Variants in AGL observed in about 807,000 individuals in gnomAD.
AGL encodes amylo-alpha-1,6-glucosidase and 4-alpha-glucanotransferase, also known as glycogen debranching enzyme.
A neutral mutation model predicts 199.3 loss-of-function variants in AGL; 128 were observed. That is an observed-to-expected ratio of 0.64 (90% CI 0.56 to 0.74). The LOEUF (loss-of-function observed/expected upper bound fraction) is 0.74, where lower values mean the gene tolerates loss of function less well. Among genes scored for constraint, AGL ranks in the 30% least tolerant of loss-of-function variants. The probability of loss-of-function intolerance (pLI) is 0.00; values close to 1 mark genes in which losing one functional copy is unlikely to be tolerated. For synonymous variants in AGL, 584 were observed against 594.7 expected (o/e 0.98, Z 0.26); for missense variants, 1,809 against 1,820.8 (o/e 0.99, Z 0.12).
chr1:99,910,287 A>G (rs1464587229), intron 27 of AGL, among the ~76,000 whole-genome samples: 2 of 152,144 alleles, frequency 1.3e-5, no homozygotes, highest in East Asian at 1.9e-4. Context: ...CTCTATGTCC[A>G]TGTACATACA....
At chr1:99,852,558 T>TTTTTTAA in intron 2 of AGL, 1 of 603,432 alleles carries the variant, frequency 1.7e-6, no homozygotes, top group Admixed American at 3.0e-5. Context: ...TTTTTTTTTG[T>TTTTTTAA]AGAAACTGGG....
intron 17 of AGL, 37 bp downstream of exon 17, chr1:99,881,728 ATAT>A (rs1356946993): frequency 9.4e-6 from 14 of 1,490,046 alleles, no homozygotes; most frequent in African/African-American, 1.4e-5. Context: ...TATTTGTATT[ATAT>A]TATTATATTA....
intron 3 of AGL, among the ~76,000 whole-genome samples, chr1:99,862,043 TTTGTGTA>T (rs1046466757): frequency 3.9e-5 from 6 of 152,236 alleles, no homozygotes; most frequent in Admixed American, 6.5e-5. Context: ...TCTTGGATAT[TTTGTGTA>T]TTATACATGT....
rs755639355 is a variant in AGL at position 99,876,618 on chromosome 1, C to T, written c.1423+21C>T. ...ACCGGGTATGTAATTTTTAACTTCT[C>T]TGTGGATGGGGAAAGAATAGTTCAT... On this transcript the variant is annotated intron_variant, in intron 11 of 33. Coordinates refer to ENST00000361915, the MANE Select transcript of AGL (RefSeq NM_000642.3). 25 of 1,613,288 alleles carry T rather than the reference C, an allele frequency of 1.5e-5. No individual in the cohort carries two copies. The African/African-American group carries it at 3.1e-4, about 20-fold the overall frequency.
At chr1:99,886,292 A>G (rs1000606247) in intron 20 of AGL, among the ~76,000 whole-genome samples, 1 of 152,154 alleles carries the variant, frequency 6.6e-6, no homozygotes, top group Admixed American at 6.5e-5. Context: ...CCTGGGCAAC[A>G]TAGTGAGACC....
At chr1:99,855,196 G>A (rs974714082) in intron 2 of AGL, among the ~76,000 whole-genome samples, 2 of 151,190 alleles carry the variant, frequency 1.3e-5, no homozygotes, top group African/African-American at 4.9e-5. Flanking sequence ...GCGAGACTCC[G>A]ACTCAAAAAA....
At chr1:99,871,418 C>A (rs1007071396) in intron 7 of AGL, among the ~76,000 whole-genome samples, 1 of 150,632 alleles carries the variant, frequency 6.6e-6, no homozygotes, top group Admixed American at 6.6e-5. Context: ...GTGCCCCCCC[C>A]CCCCCAACAA....
intron 29 of AGL, among the ~76,000 whole-genome samples, chr1:99,913,126 G>A (rs898722682): frequency 1.3e-5 from 2 of 151,986 alleles, no homozygotes; most frequent in African/African-American, 2.4e-5. Context: ...AGGCTGAGGT[G>A]GGAGGATGGC....
chr1:99,852,558 T>TTTTG, intron 2 of AGL: 7 of 603,430 alleles, frequency 1.2e-5, no homozygotes, highest in South Asian at 3.9e-5. Context: ...TTTTTTTTTG[T>TTTTG]AGAAACTGGG....
At chr1:99,921,485 T>G (rs1655505405) in intron 33 of AGL, 49 bp from the exon 34 acceptor site, 1 of 1,344,612 alleles carries the variant, frequency 7.4e-7, no homozygotes, top group Non-Finnish European at 1.1e-6. Flanking sequence ...CCTATTTTGT[T>G]AATATGAATT....
intron 27 of AGL, among the ~76,000 whole-genome samples, chr1:99,908,403 T>G (rs1654486391): frequency 6.6e-6 from 1 of 152,198 alleles, no homozygotes; most frequent in South Asian, 2.1e-4. Flanking sequence ...CACACTGTTT[T>G]GGTTAGTGTA....
At chr1:99,912,353 A>T in intron 28 of AGL, 52 bp from the exon 29 acceptor site, 1 of 1,359,836 alleles carries the variant, frequency 7.4e-7, no homozygotes, top group Non-Finnish European at 1.1e-6. Context: ...CCCTTTAAAT[A>T]GTACTTAAAG....
Position 99,891,700 on chromosome 1 carries a change from A to G in AGL, c.3044A>G (p.Tyr1015Cys), listed in dbSNP as rs750686172. The G allele has an allele frequency of 6.2e-7, 1 of 1,613,626 alleles. No individual in the cohort carries two copies. The highest frequency in any genetic ancestry group is 8.5e-7 in the Non-Finnish European group (1 of 1,179,634). The change falls in exon 23 of 34, where the codon TAT becomes TGT. Residue 1015 changes from tyrosine to cysteine, a missense_variant. Tyr to Cys is a radical substitution (Grantham distance 194). Coordinates refer to ENST00000361915, the MANE Select transcript of AGL (RefSeq NM_000642.3). ...TTTGATGCTATATTAATTGGTGCAT[A>G]TACCACTCTTCTGGATACAGCATGG... ...CYFDAILIGA[Y>C]TTLLDTAWKQ... is the part of the protein sequence containing the mutation.
Position 99,891,614 on chromosome 1 carries a change from A to G in AGL, c.2958A>G (p.Lys986=), listed in dbSNP as rs776028713. ...SRSGTIAEVG[K]WLQAMFFYLK... ...ATTTATTTTAATTACAGGTTGGTAAATGGTTGCAGGCTATGTTCTTCTACC... is the reference window on the plus strand; with the variant it reads ...ATTTATTTTAATTACAGGTTGGTAAGTGGTTGCAGGCTATGTTCTTCTACC... Residue 986 remains lysine, a synonymous_variant, in exon 23 of 34, where the codon AAA becomes AAG. Transcript: ENST00000361915. 4 of 1,613,596 alleles carry G rather than the reference A, an allele frequency of 2.5e-6. No homozygotes were observed. Among genetic ancestry groups the G allele is most frequent in the Non-Finnish European group, 3.4e-6 (4 of 1,179,650 alleles).
At chr1:99,859,572 G>T (rs1226003753) in intron 2 of AGL, among the ~76,000 whole-genome samples, 5 of 151,314 alleles carry the variant, frequency 3.3e-5, no homozygotes, top group African/African-American at 9.7e-5. Flanking sequence ...TTTTTTAATG[G>T]AGTCTTGCTC....
chr1:99,885,378 G>C (rs966193772), intron 20 of AGL, among the ~76,000 whole-genome samples: 1 of 152,076 alleles, frequency 6.6e-6, no homozygotes, highest in Non-Finnish European at 1.5e-5. Flanking sequence ...ACAATGCCTG[G>C]CACATAGTAA....
chr1:99,904,182 G>A (rs115064986), intron 27 of AGL, among the ~76,000 whole-genome samples: 2,000 of 152,172 alleles, frequency 0.013, 28 homozygotes, highest in Middle Eastern at 0.088. Flanking sequence ...CACCATATTC[G>A]TCATCTCATG....
chr1:99,864,316 T>TATATATATAAAATTTATATATAA (rs1553183667), intron 4 of AGL, 70 bp from the exon 5 acceptor site: 6 of 1,359,420 alleles, frequency 4.4e-6, no homozygotes, highest in Middle Eastern at 3.6e-4. Flanking sequence ...TTTAAATTTA[T>TATATATATAAAATTTATATATAA]ATTTTCTTCA....
At chr1:99,902,254 A>G (rs1348328214) in intron 26 of AGL, among the ~76,000 whole-genome samples, 1 of 152,190 alleles carries the variant, frequency 6.6e-6, no homozygotes, top group Non-Finnish European at 1.5e-5. Flanking sequence ...TTCCAAAGTC[A>G]TTATGGATCC....
Sources: allele counts gnomAD v4.1 joint callset (sites outside exome capture counted in the v4.1 genomes callset), GRCh38; gene constraint gnomAD v4.1.1; transcripts MANE v1.5; gene names NCBI Gene and HGNC (gene_info 2026-07-23, HGNC 2026-07-21).